The following GRID2 variants were observed in gnomAD, a reference collection of about 807,000 sequenced individuals.
The protein encoded by GRID2 is glutamate ionotropic receptor delta type subunit 2.
A neutral mutation model predicts 114.8 loss-of-function variants in GRID2; 33 were observed. The observed-to-expected ratio is 0.29, with a 90% confidence interval of 0.22 to 0.38. The LOEUF (loss-of-function observed/expected upper bound fraction) is 0.38, where lower values mean the gene tolerates loss of function less well. Among genes scored for constraint, GRID2 ranks in the 10% least tolerant of loss-of-function variants. The pLI, the probability that GRID2 is intolerant of heterozygous loss-of-function variation, is 1.00. For missense variants in GRID2, 1,184 were observed against 1,257.7 expected, an observed-to-expected ratio of 0.94 and a Z score of 0.89; for synonymous variants, 505 against 449.9, an observed-to-expected ratio of 1.12 and a Z score of -1.55.
At chr4:93,004,072 C>G (rs868778416) in intron 2 of GRID2, among the ~76,000 whole-genome samples, 10 of 151,746 alleles carry the variant, frequency 6.6e-5, no homozygotes, top group African/African-American at 7.3e-5. Flanking sequence ...CCAAGACTTT[C>G]CTGGTAGTGT....
At position 92,908,208 on chromosome 4, in the gene GRID2, T is replaced by A. The variant is rs76054940; in HGVS notation, c.245-176787T>A. Among the ~76,000 whole-genome samples the A allele has an allele frequency of 5.0e-3, 755 of 152,288 alleles. 1 individual carries two copies. The highest frequency in any genetic ancestry group is 0.017 in the African/African-American group (721 of 41,556). The stretch of plus-strand genomic sequence containing the variant: ...TTGTTAATAGTTTTTTTATTGACAG[T>A]AATTCATCAGAGATAAGTACTAGTT... On this transcript the variant is annotated intron_variant, in intron 2 of 15. Transcript: ENST00000282020.
chr4:93,208,711 T>C (rs77693744), intron 5 of GRID2, among the ~76,000 whole-genome samples: 323 of 152,130 alleles, frequency 2.1e-3, no homozygotes, highest in African/African-American at 7.4e-3. Flanking sequence ...ACCTTACAAG[T>C]CTGTTTTTGG....
intron 9 of GRID2, among the ~76,000 whole-genome samples, chr4:93,407,368 C>T (rs1766558744): frequency 6.9e-6 from 1 of 143,968 alleles, no homozygotes; most frequent in Non-Finnish European, 1.5e-5. Flanking sequence ...CACCATACTG[C>T]ATGGAAGTCC....
chr4:92,607,277 T>G, intron 2 of GRID2, among the ~76,000 whole-genome samples: 1 of 152,142 alleles, frequency 6.6e-6, no homozygotes, highest in Middle Eastern at 3.4e-3. Flanking sequence ...AACACGAATG[T>G]TAATGCTGAA....
intron 2 of GRID2, among the ~76,000 whole-genome samples, chr4:92,692,785 G>T (rs1304549488): frequency 6.6e-6 from 1 of 152,142 alleles, no homozygotes; most frequent in Non-Finnish European, 1.5e-5. Context: ...CACTTTGGGA[G>T]GCAGAGGTGG....
chr4:92,962,177 C>T (rs949673940), intron 2 of GRID2, among the ~76,000 whole-genome samples: 1 of 151,914 alleles, frequency 6.6e-6, no homozygotes, highest in Non-Finnish European at 1.5e-5. Context: ...GGTTCTGACA[C>T]TTACTGTGTC....
chr4:92,672,923 TCTA>T (rs1174030809), intron 2 of GRID2, among the ~76,000 whole-genome samples: 1 of 152,104 alleles, frequency 6.6e-6, no homozygotes, highest in Non-Finnish European at 1.5e-5. Context: ...TCTCAGTTCT[TCTA>T]CTAAGTGTGT....
At chr4:92,886,422 C>T (rs1746371366) in intron 2 of GRID2, among the ~76,000 whole-genome samples, 1 of 151,760 alleles carries the variant, frequency 6.6e-6, no homozygotes, top group Non-Finnish European at 1.5e-5. Context: ...GCAGGGTTGC[C>T]AAAAACTTTC....
intron 9 of GRID2, among the ~76,000 whole-genome samples, chr4:93,412,043 T>C (rs1767206450): frequency 6.6e-6 from 1 of 151,742 alleles, no homozygotes; most frequent in Non-Finnish European, 1.5e-5. Context: ...TCTGTGTAGA[T>C]AATTATGTGA....
At chr4:92,764,774 G>A (rs532274205) in intron 2 of GRID2, among the ~76,000 whole-genome samples, 5 of 152,212 alleles carry the variant, frequency 3.3e-5, no homozygotes, top group Admixed American at 2.6e-4. Flanking sequence ...CTGATGCATA[G>A]CTGTTGACTG....
intron 1 of GRID2, among the ~76,000 whole-genome samples, chr4:92,546,543 T>C (rs529992747): frequency 2.0e-5 from 3 of 152,228 alleles, no homozygotes; most frequent in Admixed American, 6.5e-5. Context: ...TACTGATGCA[T>C]GTGTGTGTGT....
intron 1 of GRID2, among the ~76,000 whole-genome samples, chr4:92,402,571 G>T (rs1045101806): frequency 2.6e-5 from 4 of 152,174 alleles, no homozygotes; most frequent in African/African-American, 9.7e-5. Flanking sequence ...CACTGCAAAT[G>T]AGTACTAATA....
chr4:92,439,097 GTA>G (rs1201375108), intron 1 of GRID2, among the ~76,000 whole-genome samples: 2 of 151,874 alleles, frequency 1.3e-5, no homozygotes, highest in African/African-American at 4.8e-5. Flanking sequence ...CAGGATTTGG[GTA>G]GGTAAAGGAA....
At chr4:93,114,284 T>C (rs1475392803) in intron 4 of GRID2, among the ~76,000 whole-genome samples, 1 of 152,150 alleles carries the variant, frequency 6.6e-6, no homozygotes, top group Non-Finnish European at 1.5e-5. Context: ...GGAATTTTCA[T>C]TGATAATCCT....
chr4:92,710,224 A>G (rs372045222), intron 2 of GRID2, among the ~76,000 whole-genome samples: 1 of 152,166 alleles, frequency 6.6e-6, no homozygotes, highest in African/African-American at 2.4e-5. Context: ...ACTGATATGG[A>G]CAAAACTTTT....
chr4:93,713,618 G>T (rs1249501616), intron 14 of GRID2, among the ~76,000 whole-genome samples: 1 of 151,996 alleles, frequency 6.6e-6, no homozygotes, highest in Non-Finnish European at 1.5e-5. Context: ...ATGTTAGGTT[G>T]TAAGAAAAAT....
intron 13 of GRID2, among the ~76,000 whole-genome samples, chr4:93,554,171 C>CA (rs1486841171): frequency 6.6e-6 from 1 of 152,044 alleles, no homozygotes; most frequent in African/African-American, 2.4e-5. Context: ...ATAATATATA[C>CA]AAAAAATAAA....
intron 9 of GRID2, among the ~76,000 whole-genome samples, chr4:93,417,169 C>T (rs897925302): frequency 6.6e-6 from 1 of 152,156 alleles, no homozygotes; most frequent in Middle Eastern, 3.4e-3. Flanking sequence ...CATCTACTCA[C>T]ACTTTGAAAA....
intron 14 of GRID2, among the ~76,000 whole-genome samples, chr4:93,766,841 A>G (rs959661373): frequency 6.6e-6 from 1 of 152,064 alleles, no homozygotes; most frequent in African/African-American, 2.4e-5. Flanking sequence ...TTCTATGAAA[A>G]TTTTTAATGT....
Sources: gnomAD v4.1 joint callset for allele counts (sites outside exome capture counted in the v4.1 genomes callset) on GRCh38, gnomAD v4.1.1 for gene constraint, MANE v1.5 for transcripts, NCBI Gene and HGNC (gene_info 2026-07-23, HGNC 2026-07-21) for gene names.